Variants in MDM4 observed in about 807,000 individuals in gnomAD.
The protein encoded by MDM4 is MDM4 regulator of p53.
In MDM4, 2 loss-of-function variants were observed where a neutral mutation model predicts 60.2. That is an observed-to-expected ratio of 0.03 (90% CI 0.01 to 0.10). The LOEUF (loss-of-function observed/expected upper bound fraction) is 0.10. Ranked by LOEUF, MDM4 falls within the 10% of genes least tolerant of loss-of-function variation. MDM4 has a pLI of 1.00. For missense variants in MDM4, 447 were observed against 577.5 expected, an observed-to-expected ratio of 0.77 and a Z score of 2.32; for synonymous variants, 202 against 198.1, an observed-to-expected ratio of 1.02 and a Z score of -0.17.
chr1:204,528,835 A>G (rs1660529754), intron 3 of MDM4: 3 of 1,513,458 alleles, frequency 2.0e-6, no homozygotes, highest in South Asian at 1.1e-5. Context: ...CTCTCCACAG[A>G]TGGGTTGGGT....
intron 9 of MDM4, among the ~76,000 whole-genome samples, chr1:204,546,569 A>G (rs1218829588): frequency 1.3e-5 from 2 of 152,166 alleles, no homozygotes; most frequent in African/African-American, 2.4e-5. Context: ...TGCAAAATTT[A>G]TTTGGTAACT....
Position 204,542,952 on chromosome 1 carries a change from T to A in MDM4, c.672+8T>A. 1 of 1,604,058 alleles carries A rather than the reference T, an allele frequency of 6.2e-7. No homozygotes were observed. The highest frequency in any genetic ancestry group is 8.5e-7 in the Non-Finnish European group (1 of 1,176,192). On this transcript the variant is annotated splice_region_variant and intron_variant, in intron 8 of 10. Coordinates refer to ENST00000367182, the MANE Select transcript of MDM4 (RefSeq NM_002393.5). ...GATTTACAGACAAATCAGGTAAATT[T>A]CACATTTGAAGGGAAGTGGTTTTTT...
chr1:204,529,549 G>A, intron 3 of MDM4: 1 of 1,487,270 alleles, frequency 6.7e-7, no homozygotes, highest in Non-Finnish European at 9.1e-7. Context: ...CCAGGGGCAG[G>A]ACCCCCATAG....
At position 204,555,568 on chromosome 1, in the gene MDM4, C is replaced by T. The variant is rs940543708; in HGVS notation, c.*5886C>T. The T allele has an allele frequency of 2.9e-4, 50 of 172,392 alleles. No individual in the cohort carries two copies. Among genetic ancestry groups the T allele is most frequent in the Admixed American group, 1.0e-3 (16 of 15,704 alleles). The allele number at this position is 172,392 out of a possible 1,614,324, so 10.7% of individuals were successfully genotyped here. On this transcript the variant is annotated 3_prime_UTR_variant, in exon 11 of 11. Transcript: ENST00000367182. ...TGCTGTAATTTGGCAAATGCTTTAT[C>T]GAAGATTGATATTAGGCTAGGGGCG... is the stretch of plus-strand genomic sequence containing the variant.
chr1:204,528,967 T>C (rs1660551385), intron 3 of MDM4: 1 of 1,548,306 alleles, frequency 6.5e-7, no homozygotes, highest in Non-Finnish European at 8.9e-7. Flanking sequence ...CACACCTGGA[T>C]GAAGCAATCA....
At chr1:204,547,123 C>A (rs1662746122) in intron 10 of MDM4, among the ~76,000 whole-genome samples, 1 of 152,136 alleles carries the variant, frequency 6.6e-6, no homozygotes. Flanking sequence ...CCTCTGTGTG[C>A]CTTTCTCCCT....
chr1:204,538,675 T>C (rs1190050299), intron 7 of MDM4, among the ~76,000 whole-genome samples: 1 of 152,112 alleles, frequency 6.6e-6, no homozygotes, highest in Non-Finnish European at 1.5e-5. Context: ...TATTTTGATT[T>C]ATCTACTTGA....
In MDM4 at chr1:204,554,093, T is replaced by C. The variant is rs1663399149; in HGVS notation, c.*4411T>C. On this transcript the variant is annotated 3_prime_UTR_variant, in exon 11 of 11. Transcript: ENST00000367182. ...ATTTATTTTTAAGGGTCAAGGTCATTTGTAACATTTTGTGTGTGTCAATTC... is the reference window on the plus strand; with the variant it reads ...ATTTATTTTTAAGGGTCAAGGTCATCTGTAACATTTTGTGTGTGTCAATTC... 1.3e-5 allele frequency: 3 copies of C among 229,144 alleles called. No individual in the cohort carries two copies. Among genetic ancestry groups the C allele is most frequent in the Non-Finnish European group, 2.6e-5 (3 of 115,608 alleles). The allele number at this position is 229,144 out of a possible 1,614,324, so 14.2% of individuals were successfully genotyped here.
Position 204,543,089 on chromosome 1 carries a change from A to G in MDM4, c.672+145A>G, listed in dbSNP as rs141271560. On this transcript the variant is annotated intron_variant, in intron 8 of 10. Transcript: ENST00000367182. ...ACCATCTGTATGCATGTGATACCCA[A>G]ATCTGTATCTCTAGTCCTTACCTCT... 9.1e-5 allele frequency: 60 copies of G among 658,226 alleles called. 1 individual carries two copies. The East Asian group carries it at 1.5e-3, about 17-fold the overall frequency. The allele number at this position is 658,226 out of a possible 1,614,324, so 40.8% of individuals were successfully genotyped here.
At chr1:204,532,602 G>C (rs1660976480) in intron 5 of MDM4, 1 of 613,198 alleles carries the variant, frequency 1.6e-6, no homozygotes, top group Non-Finnish European at 2.8e-6. Flanking sequence ...TTCATAGCCA[G>C]TTTATGTATC....
chr1:204,530,913 T>C, intron 4 of MDM4, 96 bp downstream of exon 4: 1 of 1,498,106 alleles, frequency 6.7e-7, no homozygotes. Context: ...ACTCAACAAA[T>C]ATGTAAGAGC....
At position 204,549,473 on chromosome 1, in the gene MDM4, A is replaced by G. The variant is rs755898653; in HGVS notation, c.1264A>G (p.Thr422Ala). The change falls in exon 11 of 11, where the codon ACA becomes GCA. Residue 422 changes from threonine to alanine, a missense_variant. By Grantham distance (58) the Thr-to-Ala change is moderately conservative. Coordinates refer to ENST00000367182, the MANE Select transcript of MDM4 (RefSeq NM_002393.5). The part of the protein sequence containing the change: ...EQLDNLSEQR[T>A]DTENMEDCQN... ...GTTAGATAACCTTTCTGAACAGAGA[A>G]CAGATACAGAAAACATGGAGGATTG... The G allele has an allele frequency of 8.7e-6, 14 of 1,611,066 alleles. No individual in the cohort carries two copies. The highest frequency in any genetic ancestry group is 3.4e-5 in the Admixed American group (2 of 59,262).
At chr1:204,520,633 C>T (rs934866981) in intron 1 of MDM4, among the ~76,000 whole-genome samples, 2 of 151,906 alleles carry the variant, frequency 1.3e-5, no homozygotes, top group African/African-American at 2.4e-5. Context: ...GCCTGTAATC[C>T]CAACACTTTC....
At chr1:204,538,669 T>A (rs966537375) in intron 7 of MDM4, among the ~76,000 whole-genome samples, 2 of 152,130 alleles carry the variant, frequency 1.3e-5, no homozygotes, top group Non-Finnish European at 2.9e-5. Flanking sequence ...AATTTTTATT[T>A]TGATTTATCT....
intron 5 of MDM4, among the ~76,000 whole-genome samples, chr1:204,532,998 A>T (rs1307594354): frequency 2.6e-5 from 4 of 152,234 alleles, no homozygotes; most frequent in Admixed American, 1.3e-4. Context: ...TTAGTCAGTC[A>T]TGTTAATAAT....
At position 204,555,048 on chromosome 1, in the gene MDM4, T is replaced by G. The variant is rs1663444812; in HGVS notation, c.*5366T>G. The stretch of plus-strand genomic sequence containing the variant: ...GAAAGAGATAGCTAATATTTTTTGG[T>G]ACTTTATCTGAAATCCAAGATGCTG... On this transcript the variant is annotated 3_prime_UTR_variant, in exon 11 of 11. Coordinates refer to ENST00000367182, the MANE Select transcript of MDM4 (RefSeq NM_002393.5). The G allele has an allele frequency of 4.6e-6, 1 of 217,468 alleles. No homozygotes were observed. Among genetic ancestry groups the G allele is most frequent in the Non-Finnish European group, 9.2e-6 (1 of 108,320 alleles). The allele number at this position is 217,468 out of a possible 1,614,324, so 13.5% of individuals were successfully genotyped here. A position where few individuals can be genotyped will look rare whatever the true frequency, so the allele number is the denominator to read the frequency against.
rs2102482038 is a variant in MDM4 at position 204,555,221 on chromosome 1, C to G, written c.*5539C>G. On this transcript the variant is annotated 3_prime_UTR_variant, in exon 11 of 11. Transcript: ENST00000367182. Reference sequence around the variant, plus strand: ...CCCGGCTGGAGTGCAGTGGCGCGATCTCGGCTCACTGCAACCTCCGCCTCC... The same window carrying G: ...CCCGGCTGGAGTGCAGTGGCGCGATGTCGGCTCACTGCAACCTCCGCCTCC... The G allele has an allele frequency of 5.7e-6, 1 of 174,956 alleles. No homozygotes were observed. The highest frequency in any genetic ancestry group is 2.0e-4 in the South Asian group (1 of 4,970). The allele number at this position is 174,956 out of a possible 1,614,324, so 10.8% of individuals were successfully genotyped here.
chr1:204,523,592 T>A (rs775693780), intron 1 of MDM4, among the ~76,000 whole-genome samples: 5 of 147,574 alleles, frequency 3.4e-5, no homozygotes, highest in Non-Finnish European at 6.0e-5. Context: ...CAGGTGATTC[T>A]CATGCCTCAG....
rs1321367156 is a variant in MDM4, at chr1:204,549,707, T to G, written c.*25T>G. Reference sequence around the variant, plus strand: ...ATGGTAGTACGAACATAAAAATGCATTTATTCCGTTCACTTACCACATTAT... The same window carrying G: ...ATGGTAGTACGAACATAAAAATGCAGTTATTCCGTTCACTTACCACATTAT... On this transcript the variant is annotated 3_prime_UTR_variant, in exon 11 of 11. Coordinates refer to ENST00000367182, the MANE Select transcript of MDM4 (RefSeq NM_002393.5). 1.6e-6 allele frequency: 2 copies of G among 1,277,798 alleles called. No homozygotes were observed. The highest frequency in any genetic ancestry group is 2.2e-6 in the Non-Finnish European group (2 of 923,850). The allele number at this position is 1,277,798 out of a possible 1,614,324, so 79.2% of individuals were successfully genotyped here. A position where few individuals can be genotyped will look rare whatever the true frequency, so the allele number is the denominator to read the frequency against.
Sources: gnomAD v4.1 joint callset for allele counts (sites outside exome capture counted in the v4.1 genomes callset) on GRCh38, gnomAD v4.1.1 for gene constraint, MANE v1.5 for transcripts, NCBI Gene and HGNC (gene_info 2026-07-23, HGNC 2026-07-21) for gene names.